Variants in UBA1 observed in about 807,000 individuals in gnomAD.
UBA1 encodes ubiquitin-like modifier-activating enzyme 1.
In UBA1, 4 loss-of-function variants were observed where a neutral mutation model predicts 84.7. That is an observed-to-expected ratio of 0.05 (90% confidence interval 0.02 to 0.11). UBA1 has a LOEUF of 0.11. Ranked by LOEUF, UBA1 falls within the 10% of genes least tolerant of loss-of-function variation. The pLI is 1.00. For synonymous variants in UBA1, 364 were observed against 362.6 expected (o/e 1.00, Z -0.04); for missense variants, 513 against 902.8 (o/e 0.57, Z 5.53).
At chrX:47,197,681 T>A in intron 1 of UBA1, 1 of 723,167 alleles carries the variant, frequency 1.4e-6, no homozygotes, top group South Asian at 7.1e-5. Context: ...ACTTCTCATT[T>A]GTCCGGCAAG....
intron 20 of UBA1, 119 bp from the exon 21 acceptor site, chrX:47,212,305 C>T: frequency 1.9e-6 from 1 of 530,200 alleles, no homozygotes; most frequent in South Asian, 2.6e-5. Flanking sequence ...CCCAGGATGT[C>T]TCTCCTTTCC....
In UBA1 at chrX:47,197,591, AC is replaced by A. The variant is rs72181818; in HGVS notation, c.1-1207del. ...CCATCTCCAGCATGTGGACCCAGTC[AC>A]CCCCACCACCAGATTTCACTTCCAC... On this transcript the variant is annotated intron_variant, in intron 1 of 25. Coordinates refer to ENST00000335972, the MANE Select transcript of UBA1 (RefSeq NM_003334.4). 0.017 allele frequency: 13,120 copies of A among 751,934 alleles called. 1,311 individuals are homozygous for A. The African/African-American group carries it at 0.28, about 16-fold the overall frequency. The allele number at this position is 751,934 out of a possible 1,213,427, so 62.0% of individuals were successfully genotyped here.
At chrX:47,202,550 C>T in intron 10 of UBA1, 46 bp downstream of exon 10, 1 of 1,205,235 alleles carries the variant, frequency 8.3e-7, no homozygotes, top group Non-Finnish European at 1.1e-6. Context: ...CCTGGCACTG[C>T]AGGCTCACCA....
At chrX:47,197,783 C>T (rs1602622677) in intron 1 of UBA1, 6 of 442,617 alleles carry the variant, frequency 1.4e-5, no homozygotes, top group East Asian at 1.9e-4. Context: ...GTCAGCAGAT[C>T]CTGGTCTGGT....
chrX:47,211,830 C>T (rs1316718319), intron 20 of UBA1, among the ~76,000 whole-genome samples: 3 of 109,702 alleles, frequency 2.7e-5, no homozygotes, highest in African/African-American at 1.0e-4. Flanking sequence ...TCCCCATCTT[C>T]CTTCTGAAAT....
At chrX:47,198,232 C>G in intron 1 of UBA1, 1 of 982,109 alleles carries the variant, frequency 1.0e-6, no homozygotes, top group African/African-American at 2.0e-5. Context: ...CTCCTGCACT[C>G]CCCGCTCCCG....
chrX:47,206,165 G>A lies in UBA1; in HGVS notation c.1741+52G>A, dbSNP rs1556790928. On this transcript the variant is annotated intron_variant, in intron 15 of 25. Transcript: ENST00000335972. ...CACGGGCAAAGTTGTGTGTGTTTCGGTGTGTATATACCAAGAGGGGTGTCC... is the reference window on the plus strand; with the variant it reads ...CACGGGCAAAGTTGTGTGTGTTTCGATGTGTATATACCAAGAGGGGTGTCC... 5 of 1,178,669 alleles carry A rather than the reference G, an allele frequency of 4.2e-6. No individual in the cohort carries two copies. The African/African-American group carries it at 7.1e-5, about 17-fold the overall frequency.
At chrX:47,205,896 G>T in intron 14 of UBA1, 52 bp from the exon 15 acceptor site, 1 of 1,164,196 alleles carries the variant, frequency 8.6e-7, no homozygotes, top group Non-Finnish European at 1.2e-6. Flanking sequence ...ACAAATAAGT[G>T]AGCTTTGTTC....
intron 13 of UBA1, 107 bp downstream of exon 13, chrX:47,203,321 A>G: frequency 1.0e-6 from 1 of 957,073 alleles, no homozygotes; most frequent in Non-Finnish European, 1.5e-6. Flanking sequence ...TCTCTTTGCC[A>G]TTCTCCTTAT....
At chrX:47,198,981 A>T in intron 2 of UBA1, 62 bp downstream of exon 2, 4 of 1,203,685 alleles carry the variant, frequency 3.3e-6, no homozygotes, top group Non-Finnish European at 4.5e-6. Flanking sequence ...CTTTTGTATC[A>T]CTGTCTGTCT....
At position 47,206,449 on chromosome X, in the gene UBA1, T is replaced by A. The variant is rs781942286; in HGVS notation, c.1938+5T>A. On this transcript the variant is annotated splice_donor_5th_base_variant and intron_variant, in intron 16 of 25. Transcript: ENST00000335972. ...GCCATCGAGCACACCCTGCAGGTGA[T>A]AAGCTGTGGGAGAAGGGAAAGAGGC... 17 of 1,209,819 alleles carry A rather than the reference T, an allele frequency of 1.4e-5. No individual in the cohort carries two copies. The highest frequency in any genetic ancestry group is 1.9e-5 in the Non-Finnish European group (17 of 894,713).
intron 16 of UBA1, 97 bp downstream of exon 16, chrX:47,206,541 C>A: frequency 1.1e-6 from 1 of 909,343 alleles, no homozygotes. Context: ...ATGTTGCATG[C>A]CTAAGTGTAA....
chrX:47,203,082 G>A (rs1402228553), intron 12 of UBA1, 35 bp downstream of exon 12: 1 of 1,204,843 alleles, frequency 8.3e-7, no homozygotes, highest in Admixed American at 2.2e-5. Flanking sequence ...GGGCATCATT[G>A]GGGACATTTC....
Position 47,202,175 on chromosome X carries a change from C to T in UBA1, c.831C>T (p.Ile277=). ...IKVLGPYTFS[I]CDTSNFSDYI... is the part of the protein sequence containing the mutation. The stretch of plus-strand genomic sequence containing the variant: ...CTGTAGGTCCTTATACCTTTAGCAT[C>T]TGTGACACCTCCAACTTCTCCGACT... The change falls in exon 9 of 26, where the codon ATC becomes ATT. Residue 277 remains isoleucine (I), a synonymous_variant. Transcript: ENST00000335972. 8.3e-7 allele frequency: 1 copy of T among 1,210,014 alleles called. No homozygotes were observed. Among genetic ancestry groups the T allele is most frequent in the Non-Finnish European group, 1.1e-6 (1 of 894,348 alleles).
chrX:47,199,439 C>T lies in UBA1; in HGVS notation c.346-41C>T, dbSNP rs369933512. On this transcript the variant is annotated intron_variant, in intron 4 of 25. Coordinates refer to ENST00000335972, the MANE Select transcript of UBA1 (RefSeq NM_003334.4). ...CCCGAGGCACCACTGTTCCCGGTGC[C>T]ACAGCCATTTCATCTTTTTCCCTAC... 3 of 1,210,268 alleles carry T rather than the reference C, an allele frequency of 2.5e-6. No individual in the cohort carries two copies. In the African/African-American group the frequency reaches 5.2e-5, roughly 21 times the overall value.
intron 14 of UBA1, among the ~76,000 whole-genome samples, chrX:47,204,505 G>A (rs186891218): frequency 1.8e-5 from 2 of 111,622 alleles, no homozygotes; most frequent in East Asian, 5.6e-4. Flanking sequence ...TTTACTTGGG[G>A]CTGGTCATGT....
intron 20 of UBA1, among the ~76,000 whole-genome samples, chrX:47,211,857 TC>T (rs1936931898): frequency 9.1e-6 from 1 of 109,681 alleles, no homozygotes; most frequent in Admixed American, 9.7e-5. Context: ...TCCTTCATGT[TC>T]CTTTATGTAT....
At position 47,209,889 on chromosome X, in the gene UBA1, C is replaced by G. The variant is rs17144858; in HGVS notation, c.2004-39C>G. 18,678 of 1,195,092 alleles carry G rather than the reference C, an allele frequency of 0.016. 1,778 individuals carry two copies. The African/African-American group carries it at 0.28, about 18-fold the overall frequency. Reference sequence around the variant, plus strand: ...CTCTGGAGCCCACTCTTGAGGCTGACATGTAATCCTATCCTCTGTCCTCTT... The same window carrying G: ...CTCTGGAGCCCACTCTTGAGGCTGAGATGTAATCCTATCCTCTGTCCTCTT... On this transcript the variant is annotated intron_variant, in intron 17 of 25. Coordinates refer to ENST00000335972, the MANE Select transcript of UBA1 (RefSeq NM_003334.4).
At chrX:47,195,318 C>T (rs922146989) in intron 1 of UBA1, among the ~76,000 whole-genome samples, 27 of 111,255 alleles carry the variant, frequency 2.4e-4, no homozygotes, top group African/African-American at 8.5e-4. Flanking sequence ...GGCGCCATCT[C>T]AGCTCACTGC....
Sources: gnomAD v4.1 joint callset for allele counts (sites outside exome capture counted in the v4.1 genomes callset) on GRCh38, gnomAD v4.1.1 for gene constraint, MANE v1.5 for transcripts, NCBI Gene and HGNC (gene_info 2026-07-23, HGNC 2026-07-21) for gene names.